DNAH10: variants seen among roughly 807,000 people sequenced by gnomAD.
DNAH10 encodes the protein axonemal beta dynein heavy chain 10.
DNAH10 carries 348 observed loss-of-function variants against 506.6 expected under a neutral mutation model. The observed-to-expected ratio is 0.69, with a 90% CI of 0.63 to 0.75. The LOEUF is 0.75. DNAH10 is among the 30% of genes least tolerant of loss of function. The pLI, the probability that DNAH10 is intolerant of heterozygous loss-of-function variation, is 0.00. For missense variants in DNAH10, 5,179 were observed against 5,787.1 expected (o/e 0.89, Z 3.41); for synonymous variants, 2,059 against 2,198.6 (o/e 0.94, Z 1.78).
intron 51 of DNAH10, 37 bp downstream of exon 51, chr12:123,881,850 T>C: frequency 2.8e-6 from 4 of 1,435,574 alleles, no homozygotes; most frequent in Non-Finnish European, 3.7e-6. Context: ...AGGTTTACGA[T>C]GCCAGTTTCT....
Position 123,879,283 on chromosome 12 carries a change from A to G in DNAH10, c.8392A>G (p.Met2798Val). ...CTGCAGATTCCAGACGGTGGCCCAG[A>G]TGGTGAGAGTCTGGAGGAATGAGTG... is the stretch of plus-strand genomic sequence containing the variant. ...NPERFQTVAQ[M>V]VRVWRNECLR... is the part of the protein sequence containing the mutation. The change falls in exon 49 of 79, where the codon ATG becomes GTG. Residue 2798 changes from methionine to valine, a missense_variant. Around this residue, in one of 3 missense-constraint regions of DNAH10, gnomAD observed 4,844 missense variants for 5,430.5 expected, o/e 0.89. Coordinates refer to ENST00000673944, the MANE Select transcript of DNAH10 (RefSeq NM_001372106.1). The G allele has an allele frequency of 6.3e-7, 1 of 1,578,120 alleles. No individual in the cohort carries two copies. Among genetic ancestry groups the G allele is most frequent in the Non-Finnish European group, 8.6e-7 (1 of 1,161,308 alleles).
chr12:123,914,492 C>A lies in DNAH10; in HGVS notation c.10516C>A (p.Pro3506Thr), dbSNP rs1285077655. ...WQNDILEREI[P>T]LSQPFRLESL... is the part of the protein sequence containing the mutation. ...AAATGACATCCTGGAGCGGGAGATC[C>A]CCCTGAGCCAGCCTTTCCGGCTGGA... The change falls in exon 61 of 79, where the codon CCC becomes ACC. Residue 3506 changes from proline to threonine, a missense_variant. Coordinates refer to ENST00000673944, the MANE Select transcript of DNAH10 (RefSeq NM_001372106.1). 6.2e-6 allele frequency: 10 copies of A among 1,613,646 alleles called. No homozygotes were observed. The highest frequency in any genetic ancestry group is 8.5e-6 in the Non-Finnish European group (10 of 1,179,900).
chr12:123,934,564 CTCCGTGGCAG>C (rs1356241756), intron 77 of DNAH10, 47 bp from the exon 78 acceptor site: 3 of 1,600,266 alleles, frequency 1.9e-6, no homozygotes, highest in South Asian at 2.3e-5. Flanking sequence ...GATAGAGCCA[CTCCGTGGCAG>C]GCTGTGCATG....
intron 27 of DNAH10, among the ~76,000 whole-genome samples, chr12:123,834,694 G>C (rs892997265): frequency 6.6e-6 from 1 of 152,088 alleles, no homozygotes; most frequent in Non-Finnish European, 1.5e-5. Context: ...TCCTCCCCCA[G>C]CACCTGGCAA....
In DNAH10 at chr12:123,819,044, A is replaced by T; in HGVS notation, c.3875A>T (p.Asp1292Val). The stretch of plus-strand genomic sequence containing the variant: ...GTGAATGTGGAGCATGCTCTTGGGG[A>T]CATAAAGAGAACTTTCACAGAGGTA... ...DSVNVEHALG[D>V]IKRTFTELTR... Residue 1292 changes from aspartate (D) to valine (V), a missense_variant, in exon 22 of 79, where the codon GAC becomes GTC. By Grantham distance (152) the Asp-to-Val change is radical. Coordinates refer to ENST00000673944, the MANE Select transcript of DNAH10 (RefSeq NM_001372106.1). The T allele has an allele frequency of 6.2e-7, 1 of 1,604,174 alleles. No individual in the cohort carries two copies. The highest frequency in any genetic ancestry group is 8.5e-7 in the Non-Finnish European group (1 of 1,174,970).
chr12:123,933,840 GTA>G (rs1043450475), intron 77 of DNAH10, among the ~76,000 whole-genome samples: 3 of 152,204 alleles, frequency 2.0e-5, no homozygotes, highest in African/African-American at 7.2e-5. Flanking sequence ...TGGCTTTCTT[GTA>G]ACCCCTGACG....
intron 37 of DNAH10, among the ~76,000 whole-genome samples, chr12:123,858,447 T>C (rs979498854): frequency 3.5e-4 from 54 of 152,282 alleles, no homozygotes; most frequent in African/African-American, 1.2e-3. Flanking sequence ...CCTGATTTTC[T>C]CTGGAGTTGG....
rs1252512057 is a variant in DNAH10, at chr12:123,833,255, C to A, written c.4687C>A (p.Gln1563Lys). ...TCTTGATGACAACACTTTCAACCTG[C>A]AGAGCATCTCAGGAAGCAGATTTGT... is the stretch of plus-strand genomic sequence containing the variant. ...QSLDDNTFNL[Q>K]SISGSRFVGP... The change falls in exon 27 of 79, where the codon CAG becomes AAG. Residue 1563 changes from glutamine to lysine, a missense_variant. Transcript: ENST00000673944. 6.2e-7 allele frequency: 1 copy of A among 1,613,728 alleles called. No individual in the cohort carries two copies. The highest frequency in any genetic ancestry group is 8.5e-7 in the Non-Finnish European group (1 of 1,179,842).
At position 123,894,698 on chromosome 12, in the gene DNAH10, C is replaced by T; in HGVS notation, c.9255C>T (p.Leu3085=). ...TCATGCCCTGGCCTCCCCAAGCCCT[C>T]CATGCGGTCGCAAAGTCCTTTCTAG... is the stretch of plus-strand genomic sequence containing the variant. The part of the protein sequence containing the change: ...DWFMPWPPQA[L]HAVAKSFLGY... The change falls in exon 54 of 79, where the codon CTC becomes CTT. Residue 3085 remains leucine, a synonymous_variant. Transcript: ENST00000673944. 1.2e-6 allele frequency: 2 copies of T among 1,614,038 alleles called. No homozygotes were observed. Among genetic ancestry groups the T allele is most frequent in the South Asian group, 1.1e-5 (1 of 91,080 alleles).
chr12:123,929,017 T>C (rs12099459), intron 70 of DNAH10: 13,308 of 558,906 alleles, frequency 0.024, 1,044 homozygotes, highest in African/African-American at 0.19. Context: ...GGGAAGACTT[T>C]ACTTTCATTT....
intron 28 of DNAH10, 70 bp from the exon 29 acceptor site, chr12:123,838,386 T>G (rs1961404878): frequency 8.4e-6 from 12 of 1,423,918 alleles, no homozygotes; most frequent in Admixed American, 2.1e-5. Context: ...GTGCCTGTTC[T>G]GGGCTCAAGA....
At position 123,903,982 on chromosome 12, in the gene DNAH10, C is replaced by T. The variant is rs1953656321; in HGVS notation, c.9815+869C>T. 6.6e-6 allele frequency among the ~76,000 whole-genome samples: 1 copy of T among 152,234 alleles called. No individual in the cohort carries two copies. The highest frequency in any genetic ancestry group is 1.5e-5 in the Non-Finnish European group (1 of 68,050). On this transcript the variant is annotated intron_variant, in intron 57 of 78. Transcript: ENST00000673944. This position sits in a 1 kb window ranked among gnomAD's most constrained non-coding sequence, Gnocchi z 4.6. ...GTCAGTAATGGGCTTCCATTCTGGGCTCCCGCTGGAGCGGTGCATGTTCCC... is the reference window on the plus strand; with the variant it reads ...GTCAGTAATGGGCTTCCATTCTGGGTTCCCGCTGGAGCGGTGCATGTTCCC...
intron 52 of DNAH10, among the ~76,000 whole-genome samples, chr12:123,891,197 A>T (rs1952966989): frequency 6.6e-6 from 1 of 152,006 alleles, no homozygotes; most frequent in Non-Finnish European, 1.5e-5. Flanking sequence ...CTTCGTTGTC[A>T]CGTGGCCTTC....
At chr12:123,817,004 G>A (rs558700776) in intron 21 of DNAH10, among the ~76,000 whole-genome samples, 46 of 151,620 alleles carry the variant, frequency 3.0e-4, no homozygotes, top group African/African-American at 9.7e-4. Context: ...TTCTATGTGT[G>A]GATATTATTC....
intron 18 of DNAH10, among the ~76,000 whole-genome samples, chr12:123,808,433 A>G (rs1300942679): frequency 6.6e-6 from 1 of 152,148 alleles, no homozygotes; most frequent in Non-Finnish European, 1.5e-5. Flanking sequence ...ATGAAGTTCC[A>G]TCCCTGGGTG....
At position 123,917,634 on chromosome 12, in the gene DNAH10, G is replaced by A. The variant is rs199612817; in HGVS notation, c.11053G>A (p.Glu3685Lys). Residue 3685 changes from glutamate to lysine, a missense_variant, in exon 64 of 79, where the codon GAG (glutamate) becomes AAG (lysine). Glu to Lys is a moderately conservative substitution (Grantham distance 56). This residue lies in a region of DNAH10 where 4,844 missense variants were observed against 5,430.5 expected (regional missense o/e 0.89). Transcript: ENST00000673944. This position sits in a 1 kb window ranked among gnomAD's most constrained non-coding sequence, Gnocchi z 5.6. ...GCTGCTGAGCGTGCTGGTGGCTTAC[G>A]AGAGGCGGGAGCTGGAGGAGCAGCG... ...DQLLSVLVAY[E>K]RRELEEQREH... 250 of 1,551,652 alleles carry A rather than the reference G, an allele frequency of 1.6e-4. 2 individuals carry two copies. Among genetic ancestry groups the A allele is most frequent in the Non-Finnish European group, 2.3e-5 (26 of 1,147,056 alleles).
intron 45 of DNAH10, among the ~76,000 whole-genome samples, chr12:123,871,861 C>T (rs1449018111): frequency 6.6e-6 from 1 of 152,172 alleles, no homozygotes; most frequent in Non-Finnish European, 1.5e-5. Context: ...AGGCTGGAGG[C>T]CTCAGTTCCT....
At chr12:123,861,273 T>G (rs1282036997) in intron 39 of DNAH10, 103 bp downstream of exon 39, 1 of 1,400,310 alleles carries the variant, frequency 7.1e-7, no homozygotes, top group Admixed American at 2.4e-5. Context: ...CATGCTTGGA[T>G]TTCAACAGAC....
chr12:123,793,603 A>C (rs140953628), intron 11 of DNAH10, among the ~76,000 whole-genome samples: 1 of 152,058 alleles, frequency 6.6e-6, no homozygotes, highest in African/African-American at 2.4e-5. Context: ...CTCCCAAAGT[A>C]CTGGGATTAC....
Sources: allele counts gnomAD v4.1 joint callset (sites outside exome capture counted in the v4.1 genomes callset), GRCh38; gene constraint gnomAD v4.1.1; regional missense constraint gnomAD v4.1.1; non-coding constraint Gnocchi (gnomAD v3.1); transcripts MANE v1.5; gene names NCBI Gene and HGNC (gene_info 2026-07-23, HGNC 2026-07-21).